The following ELAVL4 variants were observed in gnomAD, a reference collection of about 807,000 sequenced individuals.
The protein encoded by ELAVL4 is ELAV-like protein 4.
Under a neutral mutation model 35.6 loss-of-function variants are expected in ELAVL4, and 1 was observed. That is an observed-to-expected ratio of 0.03 (90% CI 0.01 to 0.13). The LOEUF is 0.13. Among genes scored for constraint, ELAVL4 ranks in the 10% least tolerant of loss-of-function variants. ELAVL4 has a pLI of 1.00. For missense variants in ELAVL4, 267 were observed against 464.9 expected, an observed-to-expected ratio of 0.57 and a Z score of 3.91; for synonymous variants, 156 against 171.0, an observed-to-expected ratio of 0.91 and a Z score of 0.69.
chr1:50,192,939 T>TG (rs1348055327), intron 3 of ELAVL4, among the ~76,000 whole-genome samples: 1 of 152,226 alleles, frequency 6.6e-6, no homozygotes, highest in African/African-American at 2.4e-5. Flanking sequence ...TGTTAGCTTT[T>TG]GGGGGGAAGA....
chr1:50,154,644 C>T (rs545844637), intron 2 of ELAVL4, among the ~76,000 whole-genome samples: 152 of 152,144 alleles, frequency 1.0e-3, no homozygotes, highest in Non-Finnish European at 1.5e-3. Flanking sequence ...TTTTCAGAGG[C>T]TTTTATACTC....
intron 1 of ELAVL4, among the ~76,000 whole-genome samples, chr1:50,136,070 T>G (rs1671835550): frequency 6.6e-6 from 1 of 152,120 alleles, no homozygotes; most frequent in Non-Finnish European, 1.5e-5. Flanking sequence ...TTGAGCGAAT[T>G]AAAGCCTCTT....
At chr1:50,188,093 T>C (rs1266227835) in intron 3 of ELAVL4, among the ~76,000 whole-genome samples, 1 of 151,514 alleles carries the variant, frequency 6.6e-6, no homozygotes, top group Non-Finnish European at 1.5e-5. Context: ...AGACTTGGTC[T>C]CAAAAAAAAA....
intron 2 of ELAVL4, among the ~76,000 whole-genome samples, chr1:50,171,146 G>A (rs928494577): frequency 6.6e-6 from 1 of 152,160 alleles, no homozygotes; most frequent in Admixed American, 6.5e-5. Context: ...CAGGAAATAA[G>A]CCAAGACTCA....
chr1:50,149,843 C>T (rs1009882503), intron 2 of ELAVL4, among the ~76,000 whole-genome samples: 2 of 152,048 alleles, frequency 1.3e-5, no homozygotes, highest in Non-Finnish European at 2.9e-5. Flanking sequence ...TGCCTAGCCA[C>T]AGTGTACTTT....
At chr1:50,116,547 T>C (rs1667995815) in intron 1 of ELAVL4, among the ~76,000 whole-genome samples, 1 of 151,998 alleles carries the variant, frequency 6.6e-6, no homozygotes, top group African/African-American at 2.4e-5. Context: ...CCTTTAAAGG[T>C]TTGCTTTCTA....
chr1:50,071,120 G>A (rs969015249), intron 1 of ELAVL4, among the ~76,000 whole-genome samples: 5 of 152,072 alleles, frequency 3.3e-5, no homozygotes, highest in African/African-American at 4.8e-5. Flanking sequence ...CCCCCCCTCA[G>A]AACAGTCCTT....
intron 1 of ELAVL4, among the ~76,000 whole-genome samples, chr1:50,126,042 A>G (rs1362000117): frequency 6.6e-6 from 1 of 152,074 alleles, no homozygotes; most frequent in Non-Finnish European, 1.5e-5. Context: ...CCTAGTAGGC[A>G]TCTAATAAAG....
chr1:50,187,966 AT>A (rs1261253001), intron 3 of ELAVL4, among the ~76,000 whole-genome samples: 38 of 152,276 alleles, frequency 2.5e-4, no homozygotes, highest in Non-Finnish European at 4.6e-4. Flanking sequence ...ATGGTGGCGC[AT>A]GCCTGTAATC....
At chr1:50,082,037 C>T (rs1451073689) in intron 1 of ELAVL4, among the ~76,000 whole-genome samples, 1 of 152,178 alleles carries the variant, frequency 6.6e-6, no homozygotes, top group Admixed American at 6.5e-5. Context: ...GCATAGTATT[C>T]CATGGTGTAT....
At chr1:50,179,493 T>C (rs1680675465) in intron 3 of ELAVL4, 1 of 152,230 alleles carries the variant, frequency 6.6e-6, no homozygotes, top group African/African-American at 2.4e-5. Flanking sequence ...GTATGCTGTT[T>C]AATAGTCTCA....
chr1:50,124,070 C>T (rs2480691), intron 1 of ELAVL4, among the ~76,000 whole-genome samples: 1 of 152,022 alleles, frequency 6.6e-6, no homozygotes, highest in African/African-American at 2.4e-5. Flanking sequence ...ATAATGTGTT[C>T]CCATCAGGTG....
upstream of ELAVL4, among the ~76,000 whole-genome samples, chr1:50,100,860 G>C (rs1314985106): frequency 6.6e-6 from 1 of 152,106 alleles, no homozygotes; most frequent in African/African-American, 2.4e-5. Flanking sequence ...TAGTTGTTTT[G>C]AGAGTCTTTA....
chr1:50,084,730 T>C lies in ELAVL4; in HGVS notation c.18+36548T>C, dbSNP rs550774013. Among the ~76,000 whole-genome samples the C allele has an allele frequency of 3.1e-4, 46 of 149,852 alleles. 1 individual carries two copies. In the South Asian group the frequency reaches 8.8e-3, roughly 29 times the overall value. The stretch of plus-strand genomic sequence containing the variant: ...TCTTGTCTTAGATCTTAATGGCTCA[T>C]TGGTTAGTTTTTTCTCATCCTTTAG... On this transcript the variant is annotated intron_variant, in intron 1 of 6. Coordinates refer to the ELAVL4 transcript ENST00000448907.
chr1:50,064,091 G>A (rs1042062616), intron 1 of ELAVL4, among the ~76,000 whole-genome samples: 27 of 152,302 alleles, frequency 1.8e-4, no homozygotes, highest in Admixed American at 2.0e-4. Flanking sequence ...GCATGGGTGT[G>A]TAATAGAGAA....
intron 2 of ELAVL4, among the ~76,000 whole-genome samples, chr1:50,150,081 A>G (rs1270236566): frequency 6.6e-6 from 1 of 152,206 alleles, no homozygotes; most frequent in Non-Finnish European, 1.5e-5. Context: ...GTCAAAGAAC[A>G]AAAGCATTTT....
chr1:50,200,242 C>T (rs61784199), intron 6 of ELAVL4, among the ~76,000 whole-genome samples: 6,101 of 151,928 alleles, frequency 0.04, 179 homozygotes, highest in African/African-American at 0.082. Flanking sequence ...ATTTGACAAC[C>T]GTAGGTCAAG....
At chr1:50,116,372 T>G (rs1476616147) in intron 1 of ELAVL4, among the ~76,000 whole-genome samples, 1 of 151,488 alleles carries the variant, frequency 6.6e-6, no homozygotes, top group Non-Finnish European at 1.5e-5. Flanking sequence ...ATAGTTACTT[T>G]GTCATATACA....
chr1:50,090,684 C>A (rs1665451938), intron 1 of ELAVL4, among the ~76,000 whole-genome samples: 1 of 152,078 alleles, frequency 6.6e-6, no homozygotes, highest in Admixed American at 6.5e-5. Context: ...TCCTTTGTAC[C>A]CTTTGCATCT....
Sources: allele counts gnomAD v4.1 joint callset (sites outside exome capture counted in the v4.1 genomes callset), GRCh38; gene constraint gnomAD v4.1.1; transcripts MANE v1.5; gene names NCBI Gene and HGNC (gene_info 2026-07-23, HGNC 2026-07-21).